The following RALGAPA1 variants were observed in gnomAD, a reference collection of about 807,000 sequenced individuals.
RALGAPA1 encodes the protein ral GTPase-activating protein subunit alpha-1.
A neutral mutation model predicts 269.6 loss-of-function variants in RALGAPA1; 52 were observed. The ratio of observed to expected loss-of-function variants is 0.19; its 90% CI spans 0.15 to 0.24. RALGAPA1 has a LOEUF of 0.24. Ranked by LOEUF, RALGAPA1 falls within the 10% of genes least tolerant of loss-of-function variation. The pLI is 1.00. For synonymous variants in RALGAPA1, 817 were observed against 1,008.3 expected, an observed-to-expected ratio of 0.81 and a Z score of 3.60; for missense variants, 1,917 against 3,013.9, an observed-to-expected ratio of 0.64 and a Z score of 8.52.
At chr14:35,751,483 T>A (rs1595428207) in intron 8 of RALGAPA1, among the ~76,000 whole-genome samples, 1 of 152,168 alleles carries the variant, frequency 6.6e-6, no homozygotes, top group African/African-American at 2.4e-5. Context: ...CAAGTGTTTT[T>A]AAAAATCTGT....
chr14:35,709,859 C>T (rs532060739), intron 16 of RALGAPA1, among the ~76,000 whole-genome samples: 1 of 152,128 alleles, frequency 6.6e-6, no homozygotes, highest in South Asian at 2.1e-4. Flanking sequence ...CAATTTTTTC[C>T]ATCGATTTAT....
intron 21 of RALGAPA1, among the ~76,000 whole-genome samples, chr14:35,683,225 G>C (rs1209198545): frequency 6.6e-6 from 1 of 152,134 alleles, no homozygotes; most frequent in African/African-American, 2.4e-5. Context: ...ATGTGACTCT[G>C]CATTTAACAT....
intron 3 of RALGAPA1, among the ~76,000 whole-genome samples, chr14:35,771,997 C>T (rs982710605): frequency 6.6e-6 from 1 of 152,100 alleles, no homozygotes; most frequent in Non-Finnish European, 1.5e-5. Context: ...AATATTTATA[C>T]TGAGTTAATC....
At chr14:35,639,796 G>A (rs975922158) in intron 31 of RALGAPA1, among the ~76,000 whole-genome samples, 6 of 151,990 alleles carry the variant, frequency 3.9e-5, no homozygotes, top group Admixed American at 1.3e-4. Flanking sequence ...AAAATTAGTC[G>A]GGCGTGGTGG....
intron 33 of RALGAPA1, among the ~76,000 whole-genome samples, chr14:35,628,903 A>C (rs186301781): frequency 6.6e-6 from 1 of 152,318 alleles, no homozygotes; most frequent in East Asian, 1.9e-4. Flanking sequence ...CATAGGAAAC[A>C]GTCAAAAGAG....
chr14:35,558,439 T>G (rs564940255), intron 39 of RALGAPA1, among the ~76,000 whole-genome samples: 7 of 152,304 alleles, frequency 4.6e-5, no homozygotes, highest in Admixed American at 3.3e-4. Flanking sequence ...AATTAAATTA[T>G]GAAGATAAAA....
At chr14:35,790,384 T>C (rs559596882) in intron 1 of RALGAPA1, among the ~76,000 whole-genome samples, 7 of 152,264 alleles carry the variant, frequency 4.6e-5, no homozygotes, top group East Asian at 1.9e-4. Context: ...AATAGTACCA[T>C]AGTGTTAGAA....
At chr14:35,587,311 C>T (rs560267895) in intron 37 of RALGAPA1, among the ~76,000 whole-genome samples, 129 of 152,218 alleles carry the variant, frequency 8.5e-4, no homozygotes, top group African/African-American at 3.1e-3. Flanking sequence ...GACAGTGTGG[C>T]GATTCCTCAA....
At chr14:35,797,925 T>G (rs1284717634) in intron 1 of RALGAPA1, among the ~76,000 whole-genome samples, 2 of 151,142 alleles carry the variant, frequency 1.3e-5, no homozygotes, top group African/African-American at 4.9e-5. Flanking sequence ...CAGGCTAGAG[T>G]GCACTGACAT....
At chr14:35,791,439 A>G (rs2076160040) in intron 1 of RALGAPA1, among the ~76,000 whole-genome samples, 1 of 152,150 alleles carries the variant, frequency 6.6e-6, no homozygotes, top group Admixed American at 6.5e-5. Flanking sequence ...CTCCGTCTCT[A>G]CCAAAAATAC....
At chr14:35,672,271 A>T (rs1301751267) in intron 25 of RALGAPA1, among the ~76,000 whole-genome samples, 1 of 152,138 alleles carries the variant, frequency 6.6e-6, no homozygotes, top group Non-Finnish European at 1.5e-5. Flanking sequence ...ATTAGGATAA[A>T]CATATTTACA....
At chr14:35,577,504 T>C (rs2057654243) in intron 37 of RALGAPA1, among the ~76,000 whole-genome samples, 2 of 152,236 alleles carry the variant, frequency 1.3e-5, no homozygotes, top group South Asian at 4.1e-4. Flanking sequence ...AATGAATCTG[T>C]CAGCATCTTG....
chr14:35,672,808 A>G, intron 25 of RALGAPA1, 59 bp downstream of exon 25: 2 of 1,390,516 alleles, frequency 1.4e-6, no homozygotes, highest in Non-Finnish European at 1.9e-6. Flanking sequence ...AACAGAATCA[A>G]GAATCAAAGA....
chr14:35,789,661 C>T (rs143096788), intron 1 of RALGAPA1, among the ~76,000 whole-genome samples: 96 of 152,218 alleles, frequency 6.3e-4, no homozygotes, highest in Middle Eastern at 3.4e-3. Flanking sequence ...TTCCTCACCC[C>T]CACTGTCTGT....
intron 31 of RALGAPA1, among the ~76,000 whole-genome samples, chr14:35,636,661 C>T (rs908408705): frequency 6.6e-6 from 1 of 152,158 alleles, no homozygotes; most frequent in Admixed American, 6.5e-5. Context: ...ACTGGGATTA[C>T]AGGCATGTGC....
chr14:35,805,237 AAC>A (rs1291324054), intron 1 of RALGAPA1, among the ~76,000 whole-genome samples: 1 of 151,728 alleles, frequency 6.6e-6, no homozygotes, highest in East Asian at 1.9e-4. Context: ...CAGCCTGGGC[AAC>A]ACAGTGAAAC....
chr14:35,710,394 A>T (rs2068211149), intron 16 of RALGAPA1, among the ~76,000 whole-genome samples: 2 of 152,144 alleles, frequency 1.3e-5, no homozygotes, highest in Non-Finnish European at 2.9e-5. Context: ...TAGCTGGGAC[A>T]ACGGGCATGT....
At chr14:35,715,784 T>C (rs1053940031) in intron 16 of RALGAPA1, 3 of 985,234 alleles carry the variant, frequency 3.0e-6, no homozygotes, top group African/African-American at 1.7e-5. Flanking sequence ...ACCTTGAAGC[T>C]TGCTCAAGTC....
chr14:35,570,334 G>A (rs1303149932), intron 39 of RALGAPA1, among the ~76,000 whole-genome samples: 1 of 151,148 alleles, frequency 6.6e-6, no homozygotes, highest in Non-Finnish European at 1.5e-5. Flanking sequence ...CCAACACTGG[G>A]GAGGAACTGA....
Sources: gnomAD v4.1 joint callset for allele counts (sites outside exome capture counted in the v4.1 genomes callset) on GRCh38, gnomAD v4.1.1 for gene constraint, MANE v1.5 for transcripts, NCBI Gene and HGNC (gene_info 2026-07-23, HGNC 2026-07-21) for gene names.